Variants in REV3L observed in about 807,000 individuals in gnomAD.
REV3L encodes REV3 like, DNA directed polymerase zeta catalytic subunit.
REV3L carries 69 observed loss-of-function variants against 299.4 expected under a neutral mutation model. The ratio of observed to expected loss-of-function variants is 0.23; its 90% CI spans 0.19 to 0.28. REV3L has a LOEUF of 0.28. REV3L is among the 10% of genes least tolerant of loss of function. The pLI is 1.00. For synonymous variants in REV3L, 1,238 were observed against 1,271.4 expected (o/e 0.97, Z 0.56); for missense variants, 3,128 against 3,693.8 (o/e 0.85, Z 3.97).
Position 111,381,336 on chromosome 6 carries a change from GACTC to G in REV3L, c.1201_1204del (p.Glu401HisfsTer67). On this transcript the variant is annotated frameshift_variant, in exon 10 of 32. Coordinates refer to ENST00000368802, the MANE Select transcript of REV3L (RefSeq NM_001372078.1). LOFTEE classifies it high-confidence loss of function. ...GCACTGTTACTTACTGAAAACAGGT[GACTC>G]ACTCAGTCTTTGGGTCAAAGGCTGA... is the stretch of plus-strand genomic sequence containing the variant. The G allele has an allele frequency of 6.2e-7, 1 of 1,613,354 alleles. No homozygotes were observed. The highest frequency in any genetic ancestry group is 8.5e-7 in the Non-Finnish European group (1 of 1,179,812).
chr6:111,341,813 G>A (rs975463810), intron 21 of REV3L, among the ~76,000 whole-genome samples: 1 of 152,066 alleles, frequency 6.6e-6, no homozygotes, highest in African/African-American at 2.4e-5. Flanking sequence ...AGGCTGTCCC[G>A]AAAACGAACA....
intron 26 of REV3L, among the ~76,000 whole-genome samples, chr6:111,318,796 C>T (rs534704333): frequency 6.6e-6 from 1 of 151,878 alleles, no homozygotes; most frequent in Non-Finnish European, 1.5e-5. Flanking sequence ...TCTCGAACTC[C>T]CGACCTCAGG....
Position 111,374,013 on chromosome 6 carries a change from C to A in REV3L, c.4342G>T (p.Ala1448Ser). 1.2e-6 allele frequency: 2 copies of A among 1,614,132 alleles called. No individual in the cohort carries two copies. Among genetic ancestry groups the A allele is most frequent in the Non-Finnish European group, 1.7e-6 (2 of 1,179,994 alleles). The change falls in exon 13 of 32, where the codon GCT becomes TCT. Residue 1448 changes from alanine to serine, a missense_variant. Ala to Ser is a moderately conservative substitution (Grantham distance 99). Coordinates refer to ENST00000368802, the MANE Select transcript of REV3L (RefSeq NM_001372078.1). Reference sequence around the variant, plus strand: ...TTAGGCATTTGGCTTTCCTCTGAAGCTGTATTTCCCGGAGAACAAGTTTCA... The same window carrying A: ...TTAGGCATTTGGCTTTCCTCTGAAGATGTATTTCCCGGAGAACAAGTTTCA... Reference protein sequence around the residue: ...HSETCSPGNTASEESQMPNNC... With the variant: ...HSETCSPGNTSSEESQMPNNC...
At chr6:111,312,416 C>A (rs1773083511) in intron 28 of REV3L, 1 of 151,946 alleles carries the variant, frequency 6.6e-6, no homozygotes, top group African/African-American at 2.4e-5. Flanking sequence ...GGAGTCTAGG[C>A]CCGAATAAAG....
chr6:111,374,799 T>C lies in REV3L; in HGVS notation c.3556A>G (p.Ile1186Val), dbSNP rs777917370. ...KSKAKLANPS[I>V]VTKKRNKRNQ... ...CGTTTGTTCCTTTTCTTAGTAACTA[T>C]AGAGGGATTAGCAAGCTTTGCTTTT... The change falls in exon 13 of 32, where the codon ATA becomes GTA. Residue 1186 changes from isoleucine (I) to valine (V), a missense_variant. Physicochemically the swap from Ile to Val is conservative, Grantham distance 29. Coordinates refer to ENST00000368802, the MANE Select transcript of REV3L (RefSeq NM_001372078.1). 4 of 1,613,170 alleles carry C rather than the reference T, an allele frequency of 2.5e-6. No individual in the cohort carries two copies. The highest frequency in any genetic ancestry group is 1.1e-5 in the South Asian group (1 of 90,852).
chr6:111,344,464 G>C (rs1223528482), intron 20 of REV3L, among the ~76,000 whole-genome samples: 2 of 152,086 alleles, frequency 1.3e-5, no homozygotes, highest in Non-Finnish European at 2.9e-5. Flanking sequence ...GAGTTATCTA[G>C]TTAAAGGCAG....
chr6:111,327,639 G>C (rs948844922), intron 25 of REV3L, among the ~76,000 whole-genome samples: 1 of 150,194 alleles, frequency 6.7e-6, no homozygotes, highest in African/African-American at 2.5e-5. Context: ...ATATAGATCA[G>C]TGGTTTTCAA....
chr6:111,405,546 G>A lies in REV3L; in HGVS notation c.489C>T (p.Leu163=), dbSNP rs563164205. ...HEAHIPYLLQ[L]FIDYNLYGMN... ...TGCCATAAAGATTGTAGTCAATGAAGAGCTGTAGGAGGTAGGGAATATGCG... is the reference window on the plus strand; with the variant it reads ...TGCCATAAAGATTGTAGTCAATGAAAAGCTGTAGGAGGTAGGGAATATGCG... Residue 163 remains leucine (L), a synonymous_variant, in exon 4 of 32, where the codon CTC becomes CTT. Transcript: ENST00000368802. 44 of 1,605,386 alleles carry A rather than the reference G, an allele frequency of 2.7e-5. No individual in the cohort carries two copies. Among genetic ancestry groups the A allele is most frequent in the Non-Finnish European group, 3.5e-5 (41 of 1,175,706 alleles).
At chr6:111,412,959 C>T (rs1784398094) in intron 2 of REV3L, among the ~76,000 whole-genome samples, 1 of 152,006 alleles carries the variant, frequency 6.6e-6, no homozygotes, top group Admixed American at 6.6e-5. Context: ...AATCTTCATT[C>T]AGAACTCTGC....
rs1780676044 is a variant in REV3L at position 111,380,118 on chromosome 6, A to C, written c.1318T>G (p.Phe440Val). The change falls in exon 11 of 32, where the codon TTT becomes GTT. Residue 440 changes from phenylalanine (F) to valine (V), a missense_variant. This residue lies in a region of REV3L where 2,409 missense variants were observed against 2,611.8 expected (regional missense o/e 0.92). Transcript: ENST00000368802. Reference sequence around the variant, plus strand: ...TTTTGTGGATATTTATTATTTCCAAAGGAGCGACATGGTGATGGCATCCTA... The same window carrying C: ...TTTTGTGGATATTTATTATTTCCAACGGAGCGACATGGTGATGGCATCCTA... ...RNRMPSPCRS[F>V]GNNKYPQNSD... The C allele has an allele frequency of 6.2e-7, 1 of 1,614,018 alleles. No homozygotes were observed. The highest frequency in any genetic ancestry group is 1.6e-4 in the Middle Eastern group (1 of 6,062).
At position 111,374,134 on chromosome 6, in the gene REV3L, T is replaced by C; in HGVS notation, c.4221A>G (p.Leu1407=). The change falls in exon 13 of 32, where the codon CTA becomes CTG. Residue 1407 remains leucine, a synonymous_variant. Transcript: ENST00000368802. The part of the protein sequence containing the change: ...IGKLSEYRNS[L]ESKLDQAYTP... ...TATATGCTTGGTCCAGCTTTGATTC[T>C]AGGGAATTGCGATATTCACTTAACT... The C allele has an allele frequency of 6.2e-7, 1 of 1,614,156 alleles. No homozygotes were observed. The highest frequency in any genetic ancestry group is 8.5e-7 in the Non-Finnish European group (1 of 1,179,976).
chr6:111,349,370 A>C, intron 19 of REV3L, 34 bp from the exon 20 acceptor site: 12 of 1,018,478 alleles, frequency 1.2e-5, no homozygotes, highest in Non-Finnish European at 1.8e-5. Context: ...ATCAGGGCTC[A>C]CAGAAAACAA....
chr6:111,441,528 G>A (rs972542172), intron 1 of REV3L, among the ~76,000 whole-genome samples: 5 of 152,174 alleles, frequency 3.3e-5, no homozygotes, highest in Non-Finnish European at 7.3e-5. Context: ...TGAGATTACA[G>A]GTGCGAGCCA....
intron 30 of REV3L, chr6:111,308,353 A>G: frequency 2.3e-6 from 1 of 435,918 alleles, no homozygotes; most frequent in East Asian, 7.1e-5. Context: ...TTCCTGCCTT[A>G]GAGCCAGGAT....
chr6:111,347,056 G>T (rs894721173), intron 20 of REV3L, among the ~76,000 whole-genome samples: 10 of 152,074 alleles, frequency 6.6e-5, no homozygotes, highest in Admixed American at 2.0e-4. Flanking sequence ...GACCACTTGA[G>T]GTCAGGAGTT....
chr6:111,326,686 T>C (rs528057285), intron 25 of REV3L, among the ~76,000 whole-genome samples: 1 of 151,706 alleles, frequency 6.6e-6, no homozygotes, highest in East Asian at 1.9e-4. Context: ...CTATTCACAA[T>C]AGCCAAGATA....
intron 1 of REV3L, among the ~76,000 whole-genome samples, chr6:111,457,156 T>A (rs1790251089): frequency 6.6e-6 from 1 of 151,990 alleles, no homozygotes; most frequent in African/African-American, 2.4e-5. Flanking sequence ...GTACTGTACC[T>A]CAAGTCTATT....
At chr6:111,430,858 A>T in intron 1 of REV3L, 1 of 1,605,842 alleles carries the variant, frequency 6.2e-7, no homozygotes, top group Non-Finnish European at 8.5e-7. Flanking sequence ...GAAGAAAACC[A>T]GACGGAACAA....
At chr6:111,445,832 G>C (rs1021673893) in intron 1 of REV3L, among the ~76,000 whole-genome samples, 1 of 152,148 alleles carries the variant, frequency 6.6e-6, no homozygotes, top group Non-Finnish European at 1.5e-5. Context: ...GACTGGAAAA[G>C]GTAAAGCAGA....
Sources: allele counts gnomAD v4.1 joint callset (sites outside exome capture counted in the v4.1 genomes callset), GRCh38; gene constraint gnomAD v4.1.1; regional missense constraint gnomAD v4.1.1; transcripts MANE v1.5; gene names NCBI Gene and HGNC (gene_info 2026-07-23, HGNC 2026-07-21).